Variants in UBE2L6 observed in about 807,000 individuals in gnomAD.
UBE2L6 encodes the protein ubiquitin conjugating enzyme E2 L6.
Under a neutral mutation model 13.6 loss-of-function variants are expected in UBE2L6, and 11 were observed. The ratio of observed to expected loss-of-function variants is 0.81; its 90% CI spans 0.51 to 1.34. The LOEUF is 1.34. UBE2L6 is among the 40% of genes most tolerant of loss of function. The pLI is 0.00. For synonymous variants in UBE2L6, 74 were observed against 83.2 expected (o/e 0.89, Z 0.60); for missense variants, 197 against 199.5 (o/e 0.99, Z 0.07).
At chr11:57,563,799 G>A (rs1408854296) in intron 1 of UBE2L6, among the ~76,000 whole-genome samples, 58 of 151,900 alleles carry the variant, frequency 3.8e-4, no homozygotes, top group Non-Finnish European at 2.9e-4. Context: ...CTACTCAGGA[G>A]GTTGAGGCAG....
At position 57,552,656 on chromosome 11, in the gene UBE2L6, C is replaced by T. The variant is rs142857543; in HGVS notation, c.311-147G>A. ...TACTCTACGACCAGATCAAACGCCC[C>T]GCTCATTCTTGGCTGGTGACACCCA... On this transcript the variant is annotated intron_variant, in intron 3 of 3. Coordinates refer to ENST00000287156, the MANE Select transcript of UBE2L6 (RefSeq NM_004223.5). 1,942 of 1,040,710 alleles carry T rather than the reference C, an allele frequency of 1.9e-3. 44 individuals are homozygous for T. In the South Asian group the frequency reaches 0.023, roughly 12 times the overall value. 64.5% of individuals were successfully genotyped at this position (1,040,710 alleles called of 1,614,324 possible). A position where few individuals can be genotyped will look rare whatever the true frequency, so the allele number is the denominator to read the frequency against.
chr11:57,559,104 C>T (rs1329297665), intron 2 of UBE2L6, among the ~76,000 whole-genome samples: 2 of 152,196 alleles, frequency 1.3e-5, no homozygotes, highest in African/African-American at 2.4e-5. Flanking sequence ...TATAATCAGT[C>T]CCTGGAGCTC....
chr11:57,557,385 T>TGCCA (rs1470864363), intron 2 of UBE2L6, among the ~76,000 whole-genome samples: 1 of 146,634 alleles, frequency 6.8e-6, no homozygotes, highest in Non-Finnish European at 1.5e-5. Context: ...GAGATGCTGG[T>TGCCA]GCCATGCTTC....
intron 3 of UBE2L6, 60 bp downstream of exon 3, chr11:57,554,377 C>A: frequency 6.4e-7 from 1 of 1,563,384 alleles, no homozygotes; most frequent in Non-Finnish European, 8.7e-7. Context: ...AGCTGTGAAC[C>A]CCCTCTCCAG....
chr11:57,554,123 C>T (rs1025900083), intron 3 of UBE2L6, among the ~76,000 whole-genome samples: 3 of 152,152 alleles, frequency 2.0e-5, no homozygotes, highest in Admixed American at 6.5e-5. Flanking sequence ...CAGAAAGGAA[C>T]GAAAACTTGC....
chr11:57,554,278 C>T (rs943299716), intron 3 of UBE2L6, among the ~76,000 whole-genome samples, 159 bp downstream of exon 3: 5 of 152,166 alleles, frequency 3.3e-5, no homozygotes, highest in African/African-American at 1.2e-4. Context: ...GTCAGTCTGT[C>T]CAGGAAGCAT....
intron 1 of UBE2L6, among the ~76,000 whole-genome samples, chr11:57,566,414 CTG>C (rs1459714488): frequency 1.3e-5 from 2 of 152,196 alleles, no homozygotes; most frequent in Non-Finnish European, 2.9e-5. Flanking sequence ...CTGAAAGACT[CTG>C]GACAAGCAAG....
At position 57,554,640 on chromosome 11, in the gene UBE2L6, G is replaced by A; in HGVS notation, c.124-17C>T. ...AGGTTGGTCCTGTGCAGAGAGAAAA[G>A]GGGTCAAGCTCCAGTCTGGTTTTCC... On this transcript the variant is annotated splice_polypyrimidine_tract_variant and intron_variant, in intron 2 of 3. Transcript: ENST00000287156. 1 of 1,613,704 alleles carries A rather than the reference G, an allele frequency of 6.2e-7. No individual in the cohort carries two copies. The highest frequency in any genetic ancestry group is 8.5e-7 in the Non-Finnish European group (1 of 1,179,836).
At position 57,554,518 on chromosome 11, in the gene UBE2L6, G is replaced by A; in HGVS notation, c.229C>T (p.Pro77Ser). 1.2e-6 allele frequency: 2 copies of A among 1,614,172 alleles called. No homozygotes were observed. The highest frequency in any genetic ancestry group is 1.7e-6 in the Non-Finnish European group (2 of 1,180,040). Reference protein sequence around the residue: ...MIKFTTKIYHPNVDENGQICL... With the variant: ...MIKFTTKIYHSNVDENGQICL... Reference sequence around the variant, plus strand: ...ATCTGTCCGTTCTCGTCCACGTTGGGGTGGTAGATCTTGGTTGTGAATTTG... The same window carrying A: ...ATCTGTCCGTTCTCGTCCACGTTGGAGTGGTAGATCTTGGTTGTGAATTTG... Residue 77 changes from proline (P) to serine (S), a missense_variant, in exon 3 of 4, where the codon CCC becomes TCC. Transcript: ENST00000287156.
intron 3 of UBE2L6, among the ~76,000 whole-genome samples, chr11:57,553,782 C>T (rs1000318636): frequency 6.6e-6 from 1 of 152,134 alleles, no homozygotes; most frequent in Non-Finnish European, 1.5e-5. Flanking sequence ...GCCAAGATCG[C>T]GCCACTGCAC....
At chr11:57,566,775 C>G (rs1384125968) in intron 1 of UBE2L6, among the ~76,000 whole-genome samples, 1 of 152,084 alleles carries the variant, frequency 6.6e-6, no homozygotes, top group African/African-American at 2.4e-5. Context: ...CTTGGGGTGC[C>G]AGACTCACTT....
At chr11:57,559,417 C>T (rs1183279522) in intron 2 of UBE2L6, among the ~76,000 whole-genome samples, 1 of 152,166 alleles carries the variant, frequency 6.6e-6, no homozygotes, top group Non-Finnish European at 1.5e-5. Flanking sequence ...TTGAGACCAG[C>T]CTGGCCAACA....
intron 1 of UBE2L6, 184 bp from the exon 2 acceptor site, chr11:57,560,616 CTTTTTTCTT>C: frequency 2.1e-6 from 1 of 486,888 alleles, no homozygotes; most frequent in Non-Finnish European, 3.6e-6. Context: ...GGTGCTTTTT[CTTTTTTCTT>C]TTTTTTTTTT....
intron 3 of UBE2L6, among the ~76,000 whole-genome samples, chr11:57,553,951 G>A (rs1056940954): frequency 6.6e-6 from 1 of 152,190 alleles, no homozygotes; most frequent in African/African-American, 2.4e-5. Flanking sequence ...TGCCTCAGAT[G>A]TCCGGGTCTA....
chr11:57,567,673 A>C (rs868333405), upstream of UBE2L6: 4 of 1,549,990 alleles, frequency 2.6e-6, no homozygotes, highest in Middle Eastern at 8.2e-4. Flanking sequence ...CCCGCGACAC[A>C]GCGCGCCCCG....
At chr11:57,560,900 G>A (rs532608418) in intron 1 of UBE2L6, among the ~76,000 whole-genome samples, 2 of 151,926 alleles carry the variant, frequency 1.3e-5, no homozygotes, top group African/African-American at 2.4e-5. Context: ...GATTACAGAC[G>A]TGAGCTACCG....
chr11:57,567,527 G>C, intron 1 of UBE2L6, 58 bp downstream of exon 1: 1 of 1,591,538 alleles, frequency 6.3e-7, no homozygotes, highest in Non-Finnish European at 8.5e-7. Flanking sequence ...ATGGAGGGAG[G>C]AGGGAATGCG....
rs754998702 is a variant in UBE2L6, at chr11:57,560,330, T to C, written c.123+7A>G. ...AATCCAAAGCCATGGTCCCCATGGA[T>C]ACTCACGGGTAGGAGGAGAGCGTGC... is the stretch of plus-strand genomic sequence containing the variant. On this transcript the variant is annotated splice_region_variant and intron_variant, in intron 2 of 3. Coordinates refer to ENST00000287156, the MANE Select transcript of UBE2L6 (RefSeq NM_004223.5). 6.2e-6 allele frequency: 10 copies of C among 1,612,982 alleles called. No individual in the cohort carries two copies. Among genetic ancestry groups the C allele is most frequent in the Non-Finnish European group, 8.5e-6 (10 of 1,178,924 alleles).
In UBE2L6 at chr11:57,552,306, T is replaced by A; in HGVS notation, c.*52A>T. 1 of 1,605,876 alleles carries A rather than the reference T, an allele frequency of 6.2e-7. No homozygotes were observed. Among genetic ancestry groups the A allele is most frequent in the South Asian group, 1.1e-5 (1 of 90,120 alleles). On this transcript the variant is annotated 3_prime_UTR_variant, in exon 4 of 4. Coordinates refer to ENST00000287156, the MANE Select transcript of UBE2L6 (RefSeq NM_004223.5). ...GGGGCTCTGGCCTCAGTCCATGAGG[T>A]GTGTCCGTCCGCTATGCCGAGGATC...
Sources: allele counts gnomAD v4.1 joint callset (sites outside exome capture counted in the v4.1 genomes callset), GRCh38; gene constraint gnomAD v4.1.1; transcripts MANE v1.5; gene names NCBI Gene and HGNC (gene_info 2026-07-23, HGNC 2026-07-21).